The following ZNF536 variants were observed in gnomAD, a reference collection of about 807,000 sequenced individuals.
ZNF536 encodes zinc finger protein 536.
In ZNF536, 13 loss-of-function variants were observed where a neutral mutation model predicts 84.5. The ratio of observed to expected loss-of-function variants is 0.15; its 90% CI spans 0.10 to 0.24. The LOEUF is 0.24. Ranked by LOEUF, ZNF536 falls within the 10% of genes least tolerant of loss-of-function variation. The probability of loss-of-function intolerance (pLI) is 1.00; values close to 1 mark genes in which losing one functional copy is unlikely to be tolerated. For missense variants in ZNF536, 1,536 were observed against 1,747.5 expected (o/e 0.88, Z 2.16); for synonymous variants, 811 against 742.5 (o/e 1.09, Z -1.50).
chr19:30,377,405 G>C (rs1311021110), intron 1 of ZNF536, among the ~76,000 whole-genome samples: 1 of 152,286 alleles, frequency 6.6e-6, no homozygotes, highest in East Asian at 1.9e-4. Context: ...AAGAGGTACC[G>C]ATCCAGACCC....
rs142781960 is a variant in ZNF536 at position 30,321,326 on chromosome 19, G to A, written c.-119-31042G>A. ...AATCCCAGCACTTTAGGCGGCCGAGGTGGGAGGATCACTTGAAGTCAGGAG... is the reference window on the plus strand; with the variant it reads ...AATCCCAGCACTTTAGGCGGCCGAGATGGGAGGATCACTTGAAGTCAGGAG... On this transcript the variant is annotated intron_variant, in intron 2 of 5. Transcript: ENST00000585628. 5.8e-3 allele frequency among the ~76,000 whole-genome samples: 876 copies of A among 152,340 alleles called. 7 individuals carry two copies. The highest frequency in any genetic ancestry group is 0.027 in the South Asian group (132 of 4,828).
chr19:30,644,290 A>T (rs993113038), intron 1 of ZNF536, among the ~76,000 whole-genome samples: 2 of 152,202 alleles, frequency 1.3e-5, no homozygotes, highest in Non-Finnish European at 2.9e-5. Flanking sequence ...CTAAGCATGA[A>T]TTCATAACGA....
At chr19:30,299,965 C>T (rs2046125701) in intron 2 of ZNF536, among the ~76,000 whole-genome samples, 1 of 152,150 alleles carries the variant, frequency 6.6e-6, no homozygotes, top group African/African-American at 2.4e-5. Flanking sequence ...AACAAGCCAT[C>T]TCGATGCACA....
At chr19:30,415,895 C>T (rs900049541) in intron 1 of ZNF536, among the ~76,000 whole-genome samples, 1 of 152,222 alleles carries the variant, frequency 6.6e-6, no homozygotes, top group African/African-American at 2.4e-5. Flanking sequence ...TAGGCATGAG[C>T]CATCATGCCC....
intron 2 of ZNF536, among the ~76,000 whole-genome samples, chr19:30,319,365 G>GTT (rs369983648): frequency 1.4e-5 from 2 of 147,658 alleles, no homozygotes; most frequent in East Asian, 2.0e-4. Context: ...TCAGACTGAT[G>GTT]TTTTTTTTTT....
At chr19:30,694,714 G>A (rs1230358181) in intron 1 of ZNF536, among the ~76,000 whole-genome samples, 1 of 152,132 alleles carries the variant, frequency 6.6e-6, no homozygotes, top group Non-Finnish European at 1.5e-5. Context: ...AAAAAAATAT[G>A]TGGGCCTGCA....
intron 1 of ZNF536, among the ~76,000 whole-genome samples, chr19:30,613,721 C>G (rs373378358): frequency 6.6e-6 from 1 of 152,150 alleles, no homozygotes; most frequent in Non-Finnish European, 1.5e-5. Context: ...TTCTCTTACT[C>G]CAAACTCAGC....
At chr19:30,393,733 G>T (rs1279225942) in intron 1 of ZNF536, among the ~76,000 whole-genome samples, 1 of 152,204 alleles carries the variant, frequency 6.6e-6, no homozygotes, top group East Asian at 1.9e-4. Context: ...GCAGAGTGAG[G>T]CTAGAGGCAC....
chr19:30,662,650 T>C (rs890273039), intron 1 of ZNF536, among the ~76,000 whole-genome samples: 14 of 152,180 alleles, frequency 9.2e-5, no homozygotes, highest in South Asian at 4.1e-4. Flanking sequence ...TTCTCTCTTA[T>C]TTTTCAATGA....
intron 1 of ZNF536, among the ~76,000 whole-genome samples, chr19:30,667,309 A>G (rs2050363302): frequency 6.6e-6 from 1 of 152,198 alleles, no homozygotes; most frequent in African/African-American, 2.4e-5. Context: ...CCAGTAGCAG[A>G]ACAGGGGTGA....
chr19:30,577,667 G>T (rs1040236397), intron 1 of ZNF536, among the ~76,000 whole-genome samples: 4 of 151,898 alleles, frequency 2.6e-5, no homozygotes, highest in Non-Finnish European at 5.9e-5. Context: ...ATCCATTTTC[G>T]TCTGATTAAT....
intron 2 of ZNF536, among the ~76,000 whole-genome samples, chr19:30,498,657 T>C (rs781507103): frequency 1.2e-4 from 18 of 151,784 alleles, no homozygotes; most frequent in Non-Finnish European, 2.5e-4. Flanking sequence ...ATAGAAAAAA[T>C]ATAACTGCTG....
At chr19:30,637,151 G>C (rs563514974) in intron 1 of ZNF536, among the ~76,000 whole-genome samples, 1 of 152,132 alleles carries the variant, frequency 6.6e-6, no homozygotes, top group Non-Finnish European at 1.5e-5. Flanking sequence ...TATGCAGAGG[G>C]TCCTTCCATA....
intron 1 of ZNF536, among the ~76,000 whole-genome samples, chr19:30,579,049 T>G (rs990090509): frequency 2.0e-5 from 3 of 152,340 alleles, no homozygotes; most frequent in African/African-American, 7.2e-5. Flanking sequence ...AGATTACACA[T>G]GTAAAGTCTT....
At chr19:30,285,097 G>A (rs1272591858) in intron 2 of ZNF536, among the ~76,000 whole-genome samples, 2 of 152,098 alleles carry the variant, frequency 1.3e-5, no homozygotes, top group Admixed American at 1.3e-4. Flanking sequence ...CAGTGCCGTT[G>A]GCACAGTAAT....
intron 1 of ZNF536, among the ~76,000 whole-genome samples, chr19:30,572,024 C>A (rs963290638): frequency 6.6e-6 from 1 of 152,172 alleles, no homozygotes; most frequent in African/African-American, 2.4e-5. Context: ...CTTGTCCCTG[C>A]AGCTTTGGGG....
At chr19:30,228,229 A>T (rs1216081525), upstream of ZNF536, 1 of 151,534 alleles carries the variant, frequency 6.6e-6, no homozygotes, top group Non-Finnish European at 1.5e-5. The surrounding 1 kb of genome is among the most constrained non-coding windows in gnomAD (Gnocchi z 4.5). Flanking sequence ...TTGTTCACTG[A>T]GTGGAAGGCA....
intron 1 of ZNF536, among the ~76,000 whole-genome samples, chr19:30,626,816 C>T (rs1435967891): frequency 6.6e-6 from 1 of 152,224 alleles, no homozygotes; most frequent in Non-Finnish European, 1.5e-5. Context: ...GGATCCCGGC[C>T]AGCGGCAGCC....
At chr19:30,594,993 C>T (rs1453998894) in intron 1 of ZNF536, among the ~76,000 whole-genome samples, 1 of 152,110 alleles carries the variant, frequency 6.6e-6, no homozygotes, top group Non-Finnish European at 1.5e-5. Flanking sequence ...GGAGGAGGCT[C>T]TTCTGCATCC....
Sources: allele counts gnomAD v4.1 joint callset (sites outside exome capture counted in the v4.1 genomes callset), GRCh38; gene constraint gnomAD v4.1.1; non-coding constraint Gnocchi (gnomAD v3.1); transcripts MANE v1.5; gene names NCBI Gene and HGNC (gene_info 2026-07-23, HGNC 2026-07-21).